The following DCC variants were observed in gnomAD, a reference collection of about 807,000 sequenced individuals.
The protein encoded by DCC is netrin receptor DCC.
Under a neutral mutation model 172.5 loss-of-function variants are expected in DCC, and 58 were observed. That is an observed-to-expected ratio of 0.34 (90% CI 0.27 to 0.42). The LOEUF (loss-of-function observed/expected upper bound fraction) is 0.42. Among genes scored for constraint, DCC ranks in the 10% least tolerant of loss-of-function variants. The probability of loss-of-function intolerance (pLI) is 1.00; values close to 1 mark genes in which losing one functional copy is unlikely to be tolerated. For synonymous variants in DCC, 709 were observed against 644.5 expected (o/e 1.10, Z -1.52); for missense variants, 1,740 against 1,791.0 (o/e 0.97, Z 0.51).
intron 12 of DCC, among the ~76,000 whole-genome samples, chr18:53,268,598 C>T (rs1054590961): frequency 3.3e-5 from 5 of 151,938 alleles, no homozygotes; most frequent in Admixed American, 2.6e-4. Context: ...CCCTTTATTC[C>T]CTTTGTTATT....
intron 7 of DCC, among the ~76,000 whole-genome samples, chr18:53,103,343 T>C (rs2043200188): frequency 6.6e-6 from 1 of 152,066 alleles, no homozygotes; most frequent in African/African-American, 2.4e-5. Flanking sequence ...CCCAGGGTAG[T>C]AACTAAAGCA....
At chr18:53,172,157 C>A (rs920251118) in intron 8 of DCC, among the ~76,000 whole-genome samples, 3 of 152,094 alleles carry the variant, frequency 2.0e-5, no homozygotes, top group African/African-American at 7.2e-5. Flanking sequence ...GGAATGAAAT[C>A]ACTCCCTTTG....
chr18:53,380,584 A>C (rs1212928534), intron 15 of DCC, among the ~76,000 whole-genome samples: 1 of 152,158 alleles, frequency 6.6e-6, no homozygotes, highest in Non-Finnish European at 1.5e-5. Flanking sequence ...AGACTCCCCA[A>C]AAGATGTTTA....
chr18:52,857,987 A>AGG (rs993764205), intron 2 of DCC, among the ~76,000 whole-genome samples: 4 of 152,186 alleles, frequency 2.6e-5, no homozygotes, highest in Non-Finnish European at 5.9e-5. Context: ...GCCACTGGAA[A>AGG]GGGGGAATTA....
chr18:52,958,446 A>G (rs1259325095), intron 5 of DCC, among the ~76,000 whole-genome samples: 1 of 152,208 alleles, frequency 6.6e-6, no homozygotes, highest in Non-Finnish European at 1.5e-5. Context: ...CTCATAAAGC[A>G]GAATAAAAAA....
intron 2 of DCC, among the ~76,000 whole-genome samples, chr18:52,860,722 G>T (rs1015603663): frequency 6.6e-6 from 1 of 152,140 alleles, no homozygotes; most frequent in South Asian, 2.1e-4. Flanking sequence ...TTTGCTAGCC[G>T]GGCGCTGTGC....
intron 1 of DCC, among the ~76,000 whole-genome samples, chr18:52,528,187 A>T (rs1270346146): frequency 1.3e-5 from 2 of 152,202 alleles, no homozygotes; most frequent in African/African-American, 2.4e-5. Flanking sequence ...AAACAAAAAC[A>T]ACTTTCTTTC....
intron 1 of DCC, among the ~76,000 whole-genome samples, chr18:52,522,688 G>T (rs1397603077): frequency 1.3e-5 from 2 of 152,158 alleles, no homozygotes; most frequent in African/African-American, 4.8e-5. Flanking sequence ...TGAAAGAAAG[G>T]ATTGCAGTCA....
intron 1 of DCC, among the ~76,000 whole-genome samples, chr18:52,492,908 C>A (rs976625004): frequency 4.6e-5 from 7 of 151,964 alleles, no homozygotes; most frequent in Admixed American, 4.6e-4. Flanking sequence ...CATATGATAG[C>A]GGGCAGTCAG....
chr18:52,576,586 T>C (rs2144768408), intron 1 of DCC, among the ~76,000 whole-genome samples: 1 of 152,224 alleles, frequency 6.6e-6, no homozygotes, highest in African/African-American at 2.4e-5. Flanking sequence ...TCCCAGCAGT[T>C]TGGGAGGCCG....
At chr18:53,278,485 A>G (rs1476854062) in intron 12 of DCC, among the ~76,000 whole-genome samples, 2 of 152,080 alleles carry the variant, frequency 1.3e-5, no homozygotes, top group East Asian at 1.9e-4. Flanking sequence ...TTGACACAGG[A>G]TTACTATTGT....
intron 12 of DCC, among the ~76,000 whole-genome samples, chr18:53,297,137 T>C (rs1291305344): frequency 2.7e-5 from 4 of 149,410 alleles, no homozygotes; most frequent in Non-Finnish European, 4.4e-5. Context: ...AACCTCTTTT[T>C]TTCCTGTTTC....
intron 2 of DCC, among the ~76,000 whole-genome samples, chr18:52,877,152 A>T (rs2039416170): frequency 1.3e-5 from 2 of 152,178 alleles, no homozygotes; most frequent in East Asian, 3.9e-4. Context: ...GTCAATCTCA[A>T]CACTGTTGAC....
Position 52,895,966 on chromosome 18 carries a change from G to A in DCC, c.413-10078G>A, listed in dbSNP as rs190226041. Among the ~76,000 whole-genome samples, 188 of 152,158 alleles carry A rather than the reference G, an allele frequency of 1.2e-3. 1 individual carries two copies. The highest frequency in any genetic ancestry group is 4.2e-3 in the African/African-American group (176 of 41,522). On this transcript the variant is annotated intron_variant, in intron 2 of 28. Transcript: ENST00000442544. ...CACTTGGCTCATTTTTGTACTTTTAGTTGAGTCGAGGTTTCACCTTGTTGG... is the reference window on the plus strand; with the variant it reads ...CACTTGGCTCATTTTTGTACTTTTAATTGAGTCGAGGTTTCACCTTGTTGG...
intron 2 of DCC, among the ~76,000 whole-genome samples, chr18:52,795,946 G>T (rs1235782940): frequency 1.3e-5 from 2 of 151,656 alleles, no homozygotes; most frequent in Non-Finnish European, 1.5e-5. Flanking sequence ...AATCAATATA[G>T]AATAAAACTT....
At chr18:52,481,609 A>C (rs984969642) in intron 1 of DCC, among the ~76,000 whole-genome samples, 7 of 152,016 alleles carry the variant, frequency 4.6e-5, no homozygotes, top group Admixed American at 3.3e-4. Context: ...ATACATAAAG[A>C]GTCTACTAGT....
At chr18:52,497,281 AT>A (rs1363942640) in intron 1 of DCC, among the ~76,000 whole-genome samples, 299 of 20,334 alleles carry the variant, frequency 0.015, 36 homozygotes, top group Non-Finnish European at 0.016. Flanking sequence ...AAAAAAAAAA[AT>A]ATATATATAT....
chr18:53,433,734 A>G (rs940618564), intron 21 of DCC, among the ~76,000 whole-genome samples: 2 of 152,084 alleles, frequency 1.3e-5, no homozygotes, highest in African/African-American at 4.8e-5. Flanking sequence ...AAATTTTCAC[A>G]ATTTCAGCTC....
At chr18:52,647,682 A>C (rs567357707) in intron 1 of DCC, among the ~76,000 whole-genome samples, 34 of 152,370 alleles carry the variant, frequency 2.2e-4, no homozygotes, top group African/African-American at 7.9e-4. Context: ...AACATCAATT[A>C]AAGACTCTCC....
Sources: allele counts gnomAD v4.1 joint callset (sites outside exome capture counted in the v4.1 genomes callset), GRCh38; gene constraint gnomAD v4.1.1; transcripts MANE v1.5; gene names NCBI Gene and HGNC (gene_info 2026-07-23, HGNC 2026-07-21).